DPP10: variants seen among roughly 807,000 people sequenced by gnomAD.
The protein encoded by DPP10 is inactive dipeptidyl peptidase 10.
Under a neutral mutation model 120.9 loss-of-function variants are expected in DPP10, and 33 were observed. The ratio of observed to expected loss-of-function variants is 0.27; its 90% confidence interval spans 0.21 to 0.37. The LOEUF (loss-of-function observed/expected upper bound fraction) is 0.37. Ranked by LOEUF, DPP10 falls within the 10% of genes least tolerant of loss-of-function variation. The probability of loss-of-function intolerance (pLI) is 1.00; values close to 1 mark genes in which losing one functional copy is unlikely to be tolerated. For synonymous variants in DPP10, 337 were observed against 326.1 expected (o/e 1.03, Z -0.36); for missense variants, 816 against 942.8 (o/e 0.87, Z 1.76).
chr2:114,973,399 C>T (rs1362654651), intron 1 of DPP10, among the ~76,000 whole-genome samples: 8 of 151,664 alleles, frequency 5.3e-5, no homozygotes, highest in Admixed American at 2.6e-4. Flanking sequence ...CGGTGGTTCA[C>T]GCCTGTGATC....
intron 1 of DPP10, among the ~76,000 whole-genome samples, chr2:115,242,678 T>TG (rs1177153554): frequency 2.7e-4 from 41 of 151,480 alleles, no homozygotes; most frequent in South Asian, 1.0e-3. Context: ...ATCTATTTTT[T>TG]TTTTTTTTTT....
chr2:114,913,658 A>C (rs1694556095), intron 1 of DPP10, among the ~76,000 whole-genome samples: 1 of 152,218 alleles, frequency 6.6e-6, no homozygotes, highest in African/African-American at 2.4e-5. Context: ...GGAAAGTCTA[A>C]AATCCAGAGA....
At chr2:114,675,945 G>A (rs7601077) in intron 1 of DPP10, among the ~76,000 whole-genome samples, 68,666 of 151,714 alleles carry the variant, frequency 0.45, 15,872 homozygotes, top group South Asian at 0.55. Flanking sequence ...GATTACAAGT[G>A]TGCACCACCA....
intron 1 of DPP10, among the ~76,000 whole-genome samples, chr2:114,982,746 G>A (rs915165410): frequency 1.3e-5 from 2 of 151,050 alleles, no homozygotes; most frequent in African/African-American, 2.4e-5. Flanking sequence ...GACTATAGTC[G>A]CATGCCACCA....
chr2:115,021,981 A>G (rs1236650860), intron 1 of DPP10, among the ~76,000 whole-genome samples: 1 of 152,098 alleles, frequency 6.6e-6, no homozygotes. Flanking sequence ...TAAAACCCTC[A>G]GCAAAATTGG....
At chr2:114,945,782 C>T (rs1033772858) in intron 1 of DPP10, among the ~76,000 whole-genome samples, 2 of 152,160 alleles carry the variant, frequency 1.3e-5, no homozygotes, top group Admixed American at 1.3e-4. Context: ...CACCATTGCA[C>T]TCCAGCCTGG....
At chr2:115,720,887 G>A (rs902773869) in intron 7 of DPP10, among the ~76,000 whole-genome samples, 1 of 152,184 alleles carries the variant, frequency 6.6e-6, no homozygotes, top group Admixed American at 6.5e-5. Context: ...CCAGTGTTTT[G>A]TCAGGGGCCA....
intron 1 of DPP10, chr2:114,462,197 C>G (rs60938777): frequency 6.2e-6 from 6 of 975,548 alleles, no homozygotes; most frequent in Non-Finnish European, 7.3e-6. Flanking sequence ...TGATATTTAC[C>G]GACAAGTTGC....
intron 10 of DPP10, chr2:115,749,984 T>C (rs1678499230): frequency 1.0e-6 from 1 of 985,248 alleles, no homozygotes; most frequent in Non-Finnish European, 1.2e-6. Context: ...TGTCTCTGTC[T>C]CTGTGGCTCA....
chr2:115,349,740 C>T (rs1179543519), intron 3 of DPP10, among the ~76,000 whole-genome samples: 2 of 152,052 alleles, frequency 1.3e-5, no homozygotes, highest in African/African-American at 4.8e-5. Context: ...TAAACAAATA[C>T]ATCTTTGTTG....
chr2:114,454,843 T>C (rs1389273495), intron 1 of DPP10, among the ~76,000 whole-genome samples: 5 of 152,126 alleles, frequency 3.3e-5, no homozygotes, highest in Non-Finnish European at 7.3e-5. Flanking sequence ...TACCTTCCAC[T>C]ATATATTGAA....
chr2:115,514,904 A>G (rs1299087636), intron 4 of DPP10, among the ~76,000 whole-genome samples: 2 of 151,850 alleles, frequency 1.3e-5, no homozygotes, highest in African/African-American at 2.4e-5. Context: ...ATATGTTTGT[A>G]TATATCTTCA....
chr2:115,161,904 C>T, intron 1 of DPP10: 2 of 1,430,602 alleles, frequency 1.4e-6, no homozygotes, highest in Non-Finnish European at 9.1e-7. Context: ...AAGTGACGGT[C>T]CCCGAGTCTG....
At chr2:114,537,514 G>GTGTGCACCATCC (rs1686608151) in intron 1 of DPP10, among the ~76,000 whole-genome samples, 1 of 151,258 alleles carries the variant, frequency 6.6e-6, no homozygotes, top group African/African-American at 2.4e-5. Context: ...TTTTTTTTTG[G>GTGTGCACCATCC]TCCCTGGTGT....
At chr2:115,293,812 C>T (rs1465764846) in intron 1 of DPP10, among the ~76,000 whole-genome samples, 1 of 151,990 alleles carries the variant, frequency 6.6e-6, no homozygotes, top group African/African-American at 2.4e-5. Context: ...TGCTTGATCC[C>T]TGCAGCCTGA....
At chr2:114,962,513 A>G (rs1192198862) in intron 1 of DPP10, among the ~76,000 whole-genome samples, 1 of 152,178 alleles carries the variant, frequency 6.6e-6, no homozygotes, top group South Asian at 2.1e-4. Flanking sequence ...CCTCTCTGCC[A>G]CAAACCCATG....
intron 1 of DPP10, among the ~76,000 whole-genome samples, chr2:114,508,979 C>G (rs13388796): frequency 0.11 from 17,300 of 151,882 alleles, 2,252 homozygotes; most frequent in African/African-American, 0.32. Context: ...AGACAACCGA[C>G]ATCTCCAGTG....
chr2:114,696,184 C>A (rs922712430), intron 1 of DPP10, among the ~76,000 whole-genome samples: 17 of 152,164 alleles, frequency 1.1e-4, no homozygotes, highest in African/African-American at 2.6e-4. Context: ...GCATTTAAAT[C>A]AGCACCATTT....
intron 1 of DPP10, among the ~76,000 whole-genome samples, chr2:115,219,047 A>G (rs2056989507): frequency 6.6e-6 from 1 of 152,134 alleles, no homozygotes; most frequent in African/African-American, 2.4e-5. Context: ...CTTATTTATC[A>G]AAGTATCTGA....
Sources: gnomAD v4.1 joint callset for allele counts (sites outside exome capture counted in the v4.1 genomes callset) on GRCh38, gnomAD v4.1.1 for gene constraint, MANE v1.5 for transcripts, NCBI Gene and HGNC (gene_info 2026-07-23, HGNC 2026-07-21) for gene names.